The following HTT variants were observed in gnomAD, a reference collection of about 807,000 sequenced individuals.
HTT encodes huntingtin.
A neutral mutation model predicts 362.3 loss-of-function variants in HTT; 104 were observed. The ratio of observed to expected loss-of-function variants is 0.29; its 90% CI spans 0.24 to 0.34. HTT has a LOEUF of 0.34. Among genes scored for constraint, HTT ranks in the 10% least tolerant of loss-of-function variants. The pLI, the probability that HTT is intolerant of heterozygous loss-of-function variation, is 1.00. For synonymous variants in HTT, 1,577 were observed against 1,548.7 expected (o/e 1.02, Z -0.43); for missense variants, 3,301 against 3,928.6 (o/e 0.84, Z 4.27).
intron 53 of HTT, 63 bp downstream of exon 53, chr4:3,220,371 GC>G: frequency 6.5e-7 from 1 of 1,539,138 alleles, no homozygotes; most frequent in South Asian, 1.1e-5. Flanking sequence ...GAAATCCAGA[GC>G]CCCCAGTACT....
At chr4:3,181,469 G>A (rs534541769) in intron 36 of HTT, among the ~76,000 whole-genome samples, 2 of 152,248 alleles carry the variant, frequency 1.3e-5, no homozygotes, top group African/African-American at 4.8e-5. Context: ...AGAATTCAAA[G>A]ACATTTTGAG....
chr4:3,162,284 A>C (rs148764786), intron 29 of HTT, among the ~76,000 whole-genome samples: 69 of 152,188 alleles, frequency 4.5e-4, no homozygotes, highest in Middle Eastern at 3.4e-3. Context: ...TGGTCTATAT[A>C]TCTGTTTTGG....
rs775829709 is a variant in HTT at position 3,172,269 on chromosome 4, C to T, written c.3865-51C>T. ...CTTCAATTTCTGTCTAGGATTCGTACAATAACGGGTCATCTCTGAGTCGCT... is the reference window on the plus strand; with the variant it reads ...CTTCAATTTCTGTCTAGGATTCGTATAATAACGGGTCATCTCTGAGTCGCT... On this transcript the variant is annotated intron_variant, in intron 29 of 66. Transcript: ENST00000355072. 6.0e-6 allele frequency: 6 copies of T among 1,001,942 alleles called. No individual in the cohort carries two copies. The East Asian group carries it at 1.4e-4, about 24-fold the overall frequency. 62.1% of individuals were successfully genotyped at this position (1,001,942 alleles called of 1,614,324 possible). A position where few individuals can be genotyped will look rare whatever the true frequency, so the allele number is the denominator to read the frequency against.
intron 29 of HTT, 55 bp from the exon 30 acceptor site, chr4:3,172,265 C>T (rs780944476): frequency 7.3e-6 from 7 of 958,716 alleles, no homozygotes; most frequent in Non-Finnish European, 1.2e-5. Context: ...GTCTAGGATT[C>T]GTACAATAAC....
chr4:3,194,704 C>T (rs906302602), intron 40 of HTT, among the ~76,000 whole-genome samples: 1 of 152,220 alleles, frequency 6.6e-6, no homozygotes, highest in Non-Finnish European at 1.5e-5. Context: ...CTCACCCCTT[C>T]CTCTGTGGCA....
chr4:3,234,135 T>G (rs1721401958), intron 61 of HTT, among the ~76,000 whole-genome samples: 1 of 152,108 alleles, frequency 6.6e-6, no homozygotes, highest in South Asian at 2.1e-4. Flanking sequence ...AGGTCAAAGT[T>G]GAGTGGAAGA....
chr4:3,104,099 CTTATT>C (rs1031661240), intron 4 of HTT, among the ~76,000 whole-genome samples: 4 of 152,008 alleles, frequency 2.6e-5, no homozygotes, highest in Non-Finnish European at 5.9e-5. Flanking sequence ...ACATGCTTTA[CTTATT>C]TTATTTTATT....
At chr4:3,131,900 G>A (rs363081) in intron 16 of HTT, 125 bp downstream of exon 16, 16,108 of 853,244 alleles carry the variant, frequency 0.019, 192 homozygotes, top group Non-Finnish European at 0.025. Flanking sequence ...TTTGACCTGC[G>A]TTGTAGCTCT....
chr4:3,113,912 G>C, intron 6 of HTT, among the ~76,000 whole-genome samples: 1 of 152,054 alleles, frequency 6.6e-6, no homozygotes, highest in Admixed American at 6.6e-5. Flanking sequence ...CAGCTCAGTC[G>C]GGGAGACCCT....
chr4:3,186,759 C>T (rs752662800), intron 38 of HTT, 40 bp downstream of exon 38: 2 of 1,579,958 alleles, frequency 1.3e-6, no homozygotes, highest in South Asian at 1.1e-5. Context: ...ATCTGGACGG[C>T]TTGTTCAGGC....
At chr4:3,098,969 C>G (rs547526447) in intron 2 of HTT, among the ~76,000 whole-genome samples, 1 of 151,854 alleles carries the variant, frequency 6.6e-6, no homozygotes, top group African/African-American at 2.4e-5. Flanking sequence ...AAAAAATAAA[C>G]TTTATTTTGA....
At chr4:3,124,826 CTT>C (rs901284534) in intron 10 of HTT, among the ~76,000 whole-genome samples, 3 of 152,088 alleles carry the variant, frequency 2.0e-5, no homozygotes, top group Non-Finnish European at 4.4e-5. Flanking sequence ...ATACTTCTGA[CTT>C]TTTCTTTGAA....
In HTT at chr4:3,225,318, G is replaced by C. The variant is rs145328620; in HGVS notation, c.7766-343G>C. Among the ~76,000 whole-genome samples, 12 of 152,312 alleles carry C rather than the reference G, an allele frequency of 7.9e-5. 1 individual carries two copies. The South Asian group carries it at 2.5e-3, about 32-fold the overall frequency. On this transcript the variant is annotated intron_variant, in intron 56 of 66. Coordinates refer to ENST00000355072, the MANE Select transcript of HTT (RefSeq NM_001388492.1). ...GCCTGCCTGGACTGTCGGCTCGCCT[G>C]CAACTGCTGACTCCTAAGCTTTTGC...
chr4:3,114,760 C>T (rs1714937474), intron 6 of HTT, among the ~76,000 whole-genome samples: 1 of 152,162 alleles, frequency 6.6e-6, no homozygotes, highest in East Asian at 1.9e-4. Flanking sequence ...GCACTTTCTC[C>T]TTTGGATTGT....
chr4:3,130,448 C>A, intron 14 of HTT, 25 bp downstream of exon 14: 1 of 1,274,624 alleles, frequency 7.8e-7, no homozygotes, highest in Non-Finnish European at 1.1e-6. Context: ...CTTGAGACGA[C>A]TTGGTGTTTC....
In HTT at chr4:3,125,649, C is replaced by A. The variant is rs753945016; in HGVS notation, c.1402+20C>A. On this transcript the variant is annotated intron_variant, in intron 11 of 66. Transcript: ENST00000355072. ...TAACAGGTAGTTCTCACTAGTTAGC[C>A]GCTGGTGTGGACCTTCACTGTCTGC... 3.9e-6 allele frequency: 6 copies of A among 1,555,424 alleles called. No homozygotes were observed. In the Admixed American group the frequency reaches 5.0e-5, roughly 13 times the overall value.
Position 3,187,745 on chromosome 4 carries a change from G to A in HTT, c.5084G>A (p.Arg1695His), listed in dbSNP as rs771308830. ...TCAACTGAAGATATTGTTCTTTCTC[G>A]TATTCAGGAGCTCTCCTTCTCTCCG... ...SQSTEDIVLS[R>H]IQELSFSPYL... Residue 1695 changes from arginine to histidine, a missense_variant, in exon 39 of 67, where the codon CGT becomes CAT. Arg to His is a conservative substitution (Grantham distance 29, BLOSUM62 0). This residue lies in a region of HTT where 2,316 missense variants were observed against 2,658.5 expected (regional missense o/e 0.87). Transcript: ENST00000355072. 6 of 1,613,894 alleles carry A rather than the reference G, an allele frequency of 3.7e-6. No individual in the cohort carries two copies. Among genetic ancestry groups the A allele is most frequent in the Non-Finnish European group, 5.1e-6 (6 of 1,179,830 alleles).
chr4:3,135,833 T>C (rs1716039313), intron 19 of HTT, 71 bp from the exon 20 acceptor site: 2 of 1,283,224 alleles, frequency 1.6e-6, no homozygotes. Context: ...GAGCCTGCTC[T>C]GGAGCAAGCT....
chr4:3,139,644 C>G (rs1457991372), intron 21 of HTT, among the ~76,000 whole-genome samples: 1 of 152,156 alleles, frequency 6.6e-6, no homozygotes, highest in Non-Finnish European at 1.5e-5. Flanking sequence ...GTGTTGATGG[C>G]AGATATGAAC....
Sources: allele counts gnomAD v4.1 joint callset (sites outside exome capture counted in the v4.1 genomes callset), GRCh38; gene constraint gnomAD v4.1.1; regional missense constraint gnomAD v4.1.1; transcripts MANE v1.5; gene names NCBI Gene and HGNC (gene_info 2026-07-23, HGNC 2026-07-21).